Variants in AHCYL2 observed in about 807,000 individuals in gnomAD.
AHCYL2 encodes the protein adenosylhomocysteinase like 2, also known as S-adenosylhomocysteine hydrolase-like protein 2.
Under a neutral mutation model 81.4 loss-of-function variants are expected in AHCYL2, and 28 were observed. The ratio of observed to expected loss-of-function variants is 0.34; its 90% CI spans 0.25 to 0.47. AHCYL2 has a LOEUF of 0.47. Among genes scored for constraint, AHCYL2 ranks in the 20% least tolerant of loss-of-function variants. The probability of loss-of-function intolerance (pLI) is 1.00; values close to 1 mark genes in which losing one functional copy is unlikely to be tolerated. For missense variants in AHCYL2, 551 were observed against 785.1 expected (o/e 0.70, Z 3.56); for synonymous variants, 272 against 290.2 (o/e 0.94, Z 0.64).
intron 1 of AHCYL2, among the ~76,000 whole-genome samples, chr7:129,306,216 ACT>A (rs1367764190): frequency 1.3e-5 from 2 of 150,944 alleles, no homozygotes; most frequent in Non-Finnish European, 3.0e-5. Flanking sequence ...AAGGCCAATA[ACT>A]CTTATATTTG....
At chr7:129,226,278 T>C (rs1794212918) in intron 1 of AHCYL2, among the ~76,000 whole-genome samples, 2 of 152,210 alleles carry the variant, frequency 1.3e-5, no homozygotes, top group Admixed American at 1.3e-4. Flanking sequence ...TACCAAGAAG[T>C]AACTGCCTAG....
intron 1 of AHCYL2, among the ~76,000 whole-genome samples, chr7:129,355,249 A>C (rs1419813839): frequency 6.6e-6 from 1 of 151,570 alleles, no homozygotes; most frequent in Non-Finnish European, 1.5e-5. Context: ...GCACTGTGTA[A>C]AATTGTCCCC....
intron 1 of AHCYL2, among the ~76,000 whole-genome samples, chr7:129,350,378 TGTA>T (rs553210609): frequency 1.3e-5 from 2 of 151,814 alleles, no homozygotes; most frequent in African/African-American, 4.8e-5. Flanking sequence ...ATTCAATAAA[TGTA>T]GTCTTTTTTT....
intron 1 of AHCYL2, among the ~76,000 whole-genome samples, chr7:129,302,433 A>G (rs1006847759): frequency 3.3e-5 from 5 of 152,120 alleles, no homozygotes; most frequent in African/African-American, 1.2e-4. Context: ...CATTGTTGTC[A>G]TGTTCTAAAT....
intron 1 of AHCYL2, among the ~76,000 whole-genome samples, chr7:129,271,265 G>A (rs996882626): frequency 1.3e-5 from 2 of 151,110 alleles, no homozygotes; most frequent in East Asian, 3.9e-4. Flanking sequence ...GGAGGCTAAG[G>A]CAGAAGAATG....
chr7:129,261,848 C>CT (rs1284150722), intron 1 of AHCYL2, among the ~76,000 whole-genome samples: 1 of 152,094 alleles, frequency 6.6e-6, no homozygotes, highest in Non-Finnish European at 1.5e-5. Flanking sequence ...ACTGGGTGCT[C>CT]TTTTATTATC....
At chr7:129,341,659 G>A (rs2150816853) in intron 1 of AHCYL2, among the ~76,000 whole-genome samples, 1 of 152,220 alleles carries the variant, frequency 6.6e-6, no homozygotes, top group African/African-American at 2.4e-5. Context: ...ATGGAGGTGG[G>A]AGGCAGATGA....
At chr7:129,411,759 C>CA (rs34771912) in intron 11 of AHCYL2, among the ~76,000 whole-genome samples, 42,067 of 107,076 alleles carry the variant, frequency 0.39, 7,644 homozygotes, top group East Asian at 0.63. Flanking sequence ...AACTCCTTCT[C>CA]AAAAAAAAAA....
intron 12 of AHCYL2, among the ~76,000 whole-genome samples, chr7:129,416,199 C>T (rs961398567): frequency 2.0e-5 from 3 of 152,046 alleles, no homozygotes; most frequent in African/African-American, 7.2e-5. Context: ...AGAGGCAGCC[C>T]AGACATAAGT....
intron 1 of AHCYL2, among the ~76,000 whole-genome samples, chr7:129,362,597 G>GTTTTT (rs769346623): frequency 4.7e-5 from 3 of 63,646 alleles, no homozygotes; most frequent in African/African-American, 1.6e-4. Flanking sequence ...TGGTTTTCTT[G>GTTTTT]TTTTTTTTTT....
At chr7:129,232,122 C>G (rs544799757) in intron 1 of AHCYL2, among the ~76,000 whole-genome samples, 1 of 152,272 alleles carries the variant, frequency 6.6e-6, no homozygotes, top group African/African-American at 2.4e-5. Context: ...TCTGCACACA[C>G]TTACATTCTA....
At chr7:129,399,141 C>CAAAAAAAAAAA (rs71162600) in intron 5 of AHCYL2, among the ~76,000 whole-genome samples, 1 of 44,954 alleles carries the variant, frequency 2.2e-5, no homozygotes, top group African/African-American at 1.0e-4. Flanking sequence ...GACTCCATCT[C>CAAAAAAAAAAA]AAAAAAAAAA....
At chr7:129,284,798 T>TA (rs753296115) in intron 1 of AHCYL2, among the ~76,000 whole-genome samples, 1 of 152,226 alleles carries the variant, frequency 6.6e-6, no homozygotes, top group South Asian at 2.1e-4. Flanking sequence ...ATGAAAAAAC[T>TA]AAAAAATTTT....
intron 1 of AHCYL2, among the ~76,000 whole-genome samples, chr7:129,334,120 T>A (rs1304043117): frequency 1.3e-5 from 2 of 152,242 alleles, no homozygotes; most frequent in African/African-American, 4.8e-5. Flanking sequence ...TTTCAAATCA[T>A]TTTAAGCTGT....
Position 129,300,899 on chromosome 7 carries a change from A to G in AHCYL2, c.363+75460A>G, listed in dbSNP as rs147636985. 4.6e-5 allele frequency among the ~76,000 whole-genome samples: 7 copies of G among 152,296 alleles called. No homozygotes were observed. The East Asian group carries it at 7.7e-4, about 17-fold the overall frequency. ...GCCCAGGCTGGAGCGCAGTGGCACA[A>G]TCTCAGCTCACTGCAATCTCCACCT... On this transcript the variant is annotated intron_variant, in intron 1 of 16. Coordinates refer to ENST00000325006, the MANE Select transcript of AHCYL2 (RefSeq NM_015328.4).
At chr7:129,251,252 C>T (rs1216579198) in intron 1 of AHCYL2, among the ~76,000 whole-genome samples, 1 of 150,840 alleles carries the variant, frequency 6.6e-6, no homozygotes, top group Admixed American at 6.6e-5. Context: ...AAATTGTAAA[C>T]TCTACAGGAC....
chr7:129,414,832 C>G (rs1425814784), intron 12 of AHCYL2, among the ~76,000 whole-genome samples: 1 of 152,182 alleles, frequency 6.6e-6, no homozygotes, highest in African/African-American at 2.4e-5. Context: ...CTCTGGGTAA[C>G]TGGCTTAAGC....
At chr7:129,265,084 G>C (rs1458400913) in intron 1 of AHCYL2, among the ~76,000 whole-genome samples, 2 of 152,138 alleles carry the variant, frequency 1.3e-5, no homozygotes, top group African/African-American at 4.8e-5. Flanking sequence ...TATTTATAAA[G>C]AAATATAGAG....
intron 1 of AHCYL2, among the ~76,000 whole-genome samples, chr7:129,366,517 C>T (rs1325824659): frequency 6.6e-6 from 1 of 152,158 alleles, no homozygotes; most frequent in African/African-American, 2.4e-5. Flanking sequence ...CGTGCTGGCT[C>T]ATGCCTGTAG....
Sources: allele counts gnomAD v4.1 joint callset (sites outside exome capture counted in the v4.1 genomes callset), GRCh38; gene constraint gnomAD v4.1.1; transcripts MANE v1.5; gene names NCBI Gene and HGNC (gene_info 2026-07-23, HGNC 2026-07-21).